CEP63: variants seen among roughly 807,000 people sequenced by gnomAD.
CEP63 encodes centrosomal protein of 63 kDa.
CEP63 carries 84 observed loss-of-function variants against 89.1 expected under a neutral mutation model. That is an observed-to-expected ratio of 0.94 (90% confidence interval 0.79 to 1.13). The LOEUF is 1.13. CEP63 is among the 50% of genes most tolerant of loss of function. The pLI, the probability that CEP63 is intolerant of heterozygous loss-of-function variation, is 0.00. For synonymous variants in CEP63, 267 were observed against 272.5 expected, an observed-to-expected ratio of 0.98 and a Z score of 0.20; for missense variants, 838 against 813.3, an observed-to-expected ratio of 1.03 and a Z score of -0.37.
intron 6 of CEP63, among the ~76,000 whole-genome samples, chr3:134,544,080 C>T (rs1331227601): frequency 1.3e-5 from 2 of 152,074 alleles, no homozygotes; most frequent in African/African-American, 4.8e-5. Context: ...TTTTTAGCAT[C>T]TACTTTATTT....
At chr3:134,688,754 A>G in the CEP63 span, among the ~76,000 whole-genome samples, 2 of 152,198 alleles carry the variant, frequency 1.3e-5, no homozygotes, top group Non-Finnish European at 2.9e-5. Context: ...TTCCCCACCA[A>G]GCACCAGGAT....
the CEP63 span, among the ~76,000 whole-genome samples, chr3:134,697,014 A>G: frequency 6.6e-6 from 1 of 152,220 alleles, no homozygotes; most frequent in Non-Finnish European, 1.5e-5. Flanking sequence ...ATACATTGCT[A>G]AAGCACCAGC....
chr3:134,574,823 G>A, exon 12 of CEP63: 1 of 624,004 alleles, frequency 1.6e-6, no homozygotes, highest in Non-Finnish European at 2.9e-6. Flanking sequence ...GTCCAGTCTG[G>A]TTTTGAACTT....
the CEP63 span, chr3:134,650,935 GCGT>G: frequency 6.2e-7 from 1 of 1,613,374 alleles, no homozygotes; most frequent in South Asian, 1.1e-5. Context: ...GATAGATACA[GCGT>G]TGATGTCCTT....
At chr3:134,766,678 C>T in the CEP63 span, among the ~76,000 whole-genome samples, 2 of 152,342 alleles carry the variant, frequency 1.3e-5, no homozygotes, top group East Asian at 3.9e-4. Context: ...GGAACAGTCA[C>T]AAGGTTTGTG....
downstream of CEP63, among the ~76,000 whole-genome samples, chr3:134,577,589 G>A (rs751596987): frequency 6.6e-6 from 1 of 151,560 alleles, no homozygotes; most frequent in Non-Finnish European, 1.5e-5. Flanking sequence ...CACCATGCCT[G>A]GCTAATTTTT....
At chr3:134,765,886 C>T in the CEP63 span, among the ~76,000 whole-genome samples, 333 of 152,308 alleles carry the variant, frequency 2.2e-3, 1 homozygote, top group Admixed American at 0.014. Flanking sequence ...CCAGAAAAGA[C>T]ATACTGGGGC....
At chr3:134,777,989 A>G in the CEP63 span, among the ~76,000 whole-genome samples, 1 of 151,790 alleles carries the variant, frequency 6.6e-6, no homozygotes, top group African/African-American at 2.4e-5. Flanking sequence ...CACACCAACC[A>G]CTATAGGAAC....
At chr3:134,696,508 T>C in the CEP63 span, among the ~76,000 whole-genome samples, 3 of 152,224 alleles carry the variant, frequency 2.0e-5, no homozygotes, top group Non-Finnish European at 4.4e-5. Context: ...CTGGGTATCA[T>C]GTTTTTAAAC....
the CEP63 span, among the ~76,000 whole-genome samples, chr3:134,611,968 A>T: frequency 6.6e-6 from 1 of 152,238 alleles, no homozygotes; most frequent in Non-Finnish European, 1.5e-5. Flanking sequence ...AGTCATTGGG[A>T]TCAAATGTGA....
the CEP63 span, among the ~76,000 whole-genome samples, chr3:134,652,667 C>G: frequency 6.6e-6 from 1 of 151,990 alleles, no homozygotes; most frequent in Non-Finnish European, 1.5e-5. Flanking sequence ...CGCGCGCGCG[C>G]ACACCTGGGA....
chr3:134,608,612 C>T, the CEP63 span: 7 of 1,613,908 alleles, frequency 4.3e-6, no homozygotes, highest in Middle Eastern at 1.6e-4. Context: ...ATGCTCCATT[C>T]CTGCTGCTAG....
the CEP63 span, among the ~76,000 whole-genome samples, chr3:134,630,123 A>G: frequency 2.0e-5 from 3 of 152,258 alleles, no homozygotes; most frequent in African/African-American, 7.2e-5. Flanking sequence ...GGTACAGTGG[A>G]TGCAGAAAAA....
the CEP63 span, among the ~76,000 whole-genome samples, chr3:134,626,176 G>A: frequency 6.6e-5 from 10 of 152,152 alleles, no homozygotes; most frequent in African/African-American, 2.4e-4. Flanking sequence ...GACCAAAGAG[G>A]AACTGAGCCC....
chr3:134,571,396 C>T (rs747555086), intron 11 of CEP63, among the ~76,000 whole-genome samples: 1 of 152,126 alleles, frequency 6.6e-6, no homozygotes, highest in Non-Finnish European at 1.5e-5. Flanking sequence ...AAGTAAGATA[C>T]AAAGGCCGGG....
chr3:134,522,548 G>T lies in CEP63; in HGVS notation c.223-9297G>T, dbSNP rs1313359626. 3.9e-5 allele frequency among the ~76,000 whole-genome samples: 6 copies of T among 152,048 alleles called. No homozygotes were observed. The East Asian group carries it at 1.2e-3, about 29-fold the overall frequency. On this transcript the variant is annotated intron_variant, in intron 3 of 14. Transcript: ENST00000675561. ...TAAACTTGTGTCGTGGGGGTTTATT[G>T]TACAGATTATTTCATCACCCAGGTA...
chr3:134,627,777 G>A, the CEP63 span: 1 of 1,613,904 alleles, frequency 6.2e-7, no homozygotes, highest in Non-Finnish European at 8.5e-7. Context: ...TTCCCTCCAG[G>A]TTGCCGGGGT....
chr3:134,710,241 A>G, the CEP63 span, among the ~76,000 whole-genome samples: 1 of 152,222 alleles, frequency 6.6e-6, no homozygotes, highest in African/African-American at 2.4e-5. Flanking sequence ...GTCAGAGACC[A>G]GGGAAGGTCA....
chr3:134,564,758 T>C lies in CEP63; in HGVS notation c.*3223T>C. The C allele has an allele frequency of 1.0e-6, 1 of 985,458 alleles. No individual in the cohort carries two copies. Among genetic ancestry groups the C allele is most frequent in the Non-Finnish European group, 1.2e-6 (1 of 829,930 alleles). 61.0% of individuals were successfully genotyped at this position (985,458 alleles called of 1,614,324 possible). On this transcript the variant is annotated 3_prime_UTR_variant, in exon 15 of 15. Transcript: ENST00000675561. ...TTCTGAGTTTTAGACAGTCCCAAGC[T>C]TCAGCTTAAAATCTGTAGACTGCAG...
Sources: gnomAD v4.1 joint callset for allele counts (sites outside exome capture counted in the v4.1 genomes callset) on GRCh38, gnomAD v4.1.1 for gene constraint, MANE v1.5 for transcripts, NCBI Gene and HGNC (gene_info 2026-07-23, HGNC 2026-07-21) for gene names.